CLN8: variants seen among roughly 807,000 people sequenced by gnomAD.
CLN8 encodes CLN8 transmembrane ER and ERGIC protein, also known as protein CLN8.
CLN8 carries 14 observed loss-of-function variants against 15.7 expected under a neutral mutation model. The ratio of observed to expected loss-of-function variants is 0.89; its 90% CI spans 0.59 to 1.39. The LOEUF is 1.39. CLN8 is among the 40% of genes most tolerant of loss of function. The probability of loss-of-function intolerance (pLI) is 0.00; values close to 1 mark genes in which losing one functional copy is unlikely to be tolerated. For synonymous variants in CLN8, 188 were observed against 151.0 expected (o/e 1.25, Z -1.80); for missense variants, 415 against 364.0 (o/e 1.14, Z -1.14).
rs1585137875 is a variant in CLN8, at chr8:1,771,296, G to C, written c.242G>C (p.Gly81Ala). The change falls in exon 2 of 3, where the codon GGC becomes GCC. Residue 81 changes from glycine to alanine, a missense_variant. Physicochemically the swap from Gly to Ala is moderately conservative, Grantham distance 60. Coordinates refer to ENST00000331222, the MANE Select transcript of CLN8 (RefSeq NM_018941.4). ...TTTGGTGTTCAGAGCACAGCCGCAGGCCTGTGGGCTCTGCTGGGGGACCCT... is the reference window on the plus strand; with the variant it reads ...TTTGGTGTTCAGAGCACAGCCGCAGCCCTGTGGGCTCTGCTGGGGGACCCT... ...AVFGVQSTAA[G>A]LWALLGDPVL... 6.2e-7 allele frequency: 1 copy of C among 1,614,168 alleles called. No individual in the cohort carries two copies.
chr8:1,783,887 G>C lies in CLN8; in HGVS notation c.*3320G>C, dbSNP rs1352557114. 1 of 152,272 alleles carries C rather than the reference G, an allele frequency of 6.6e-6. No individual in the cohort carries two copies. Among genetic ancestry groups the C allele is most frequent in the Non-Finnish European group, 1.5e-5 (1 of 68,072 alleles). 9.4% of individuals were successfully genotyped at this position (152,272 alleles called of 1,614,324 possible). On this transcript the variant is annotated 3_prime_UTR_variant, in exon 3 of 3. Coordinates refer to ENST00000331222, the MANE Select transcript of CLN8 (RefSeq NM_018941.4). Reference sequence around the variant, plus strand: ...CGTGCCTGCCTTGGGCGCAGCCTCCGGCGCCAGAGCTGGGCTCTTCAACAC... The same window carrying C: ...CGTGCCTGCCTTGGGCGCAGCCTCCCGCGCCAGAGCTGGGCTCTTCAACAC...
At chr8:1,754,592 T>C (rs1172438750), upstream of CLN8, among the ~76,000 whole-genome samples, 1 of 152,222 alleles carries the variant, frequency 6.6e-6, no homozygotes, top group African/African-American at 2.4e-5. Context: ...ATAGCAGTGA[T>C]ATACTTCTTC....
At chr8:1,778,761 G>A (rs1028771272) in intron 2 of CLN8, among the ~76,000 whole-genome samples, 2 of 152,184 alleles carry the variant, frequency 1.3e-5, no homozygotes, top group Admixed American at 6.5e-5. Flanking sequence ...GAGGCAGGCT[G>A]GGTTACTCCA....
chr8:1,765,308 C>T (rs1395023896), intron 1 of CLN8: 1 of 152,172 alleles, frequency 6.6e-6, no homozygotes, highest in Non-Finnish European at 1.5e-5. Flanking sequence ...CGGGGAGCAG[C>T]TTGTATACTG....
chr8:1,779,902 A>C (rs1801655291), intron 2 of CLN8: 1 of 967,292 alleles, frequency 1.0e-6, no homozygotes, highest in Non-Finnish European at 1.2e-6. Flanking sequence ...AGTATTGTTT[A>C]TTTACTTAAT....
At chr8:1,754,888 GA>G (rs1800631930), upstream of CLN8, among the ~76,000 whole-genome samples, 1 of 152,218 alleles carries the variant, frequency 6.6e-6, no homozygotes, top group Non-Finnish European at 1.5e-5. Flanking sequence ...TGCCTGCCCA[GA>G]AGCAGGCCGG....
intron 1 of CLN8, among the ~76,000 whole-genome samples, chr8:1,770,236 G>C (rs1338378985): frequency 6.6e-6 from 1 of 152,184 alleles, no homozygotes; most frequent in Non-Finnish European, 1.5e-5. Flanking sequence ...CCAACTTGGG[G>C]AAGGTAAAGA....
chr8:1,773,310 A>G (rs1743905593), intron 2 of CLN8, among the ~76,000 whole-genome samples: 1 of 152,190 alleles, frequency 6.6e-6, no homozygotes, highest in South Asian at 2.1e-4. Flanking sequence ...AGAGCCTCAC[A>G]GGGTGGCCAT....
At chr8:1,753,262 T>G (rs902980808), upstream of CLN8, among the ~76,000 whole-genome samples, 1 of 152,190 alleles carries the variant, frequency 6.6e-6, no homozygotes, top group Admixed American at 6.5e-5. Context: ...AGTTCACAGA[T>G]GGTGATTTTG....
At position 1,771,516 on chromosome 8, in the gene CLN8, A is replaced by G. The variant is rs1366343262; in HGVS notation, c.462A>G (p.Gln154=). The G allele has an allele frequency of 1.2e-6, 2 of 1,614,146 alleles. No individual in the cohort carries two copies. The highest frequency in any genetic ancestry group is 4.5e-5 in the East Asian group (2 of 44,866). Residue 154 remains glutamine (Q), a synonymous_variant, in exon 2 of 3, where the codon CAA becomes CAG. Transcript: ENST00000331222. ...TTCTTGGCTGCTTGGTCAATCTCCAAGCTGGCCACTATCTAGCTATGACCA... is the reference window on the plus strand; with the variant it reads ...TTCTTGGCTGCTTGGTCAATCTCCAGGCTGGCCACTATCTAGCTATGACCA... The part of the protein sequence containing the change: ...LGFLGCLVNL[Q]AGHYLAMTTL...
intron 1 of CLN8, among the ~76,000 whole-genome samples, chr8:1,756,458 T>G (rs1800671897): frequency 1.4e-5 from 2 of 145,914 alleles, no homozygotes; most frequent in South Asian, 4.4e-4. Context: ...CACTCCAGCT[T>G]GGGTGACAGA....
rs924297821 is a variant in CLN8 at position 1,782,498 on chromosome 8, A to G, written c.*1931A>G. On this transcript the variant is annotated 3_prime_UTR_variant, in exon 3 of 3. Coordinates refer to ENST00000331222, the MANE Select transcript of CLN8 (RefSeq NM_018941.4). The stretch of plus-strand genomic sequence containing the variant: ...TTTAACTATATTGACCAAGGTGTAT[A>G]GTAACCTATTTATCACATTTTACGA... 1 of 152,192 alleles carries G rather than the reference A, an allele frequency of 6.6e-6. No individual in the cohort carries two copies. 9.4% of individuals were successfully genotyped at this position (152,192 alleles called of 1,614,324 possible). A position where few individuals can be genotyped will look rare whatever the true frequency, so the allele number is the denominator to read the frequency against.
intron 1 of CLN8, chr8:1,758,149 G>A (rs929317558): frequency 6.6e-6 from 1 of 152,162 alleles, no homozygotes; most frequent in Admixed American, 6.5e-5. Context: ...CAGTTTTTAA[G>A]AAAGATACAC....
rs765097897 is a variant in CLN8 at position 1,771,262 on chromosome 8, C to T, written c.208C>T (p.Arg70Cys). The T allele has an allele frequency of 1.1e-5, 17 of 1,613,724 alleles. No individual in the cohort carries two copies. Among genetic ancestry groups the T allele is most frequent in the African/African-American group, 1.3e-5 (1 of 75,024 alleles). Residue 70 changes from arginine to cysteine, a missense_variant, in exon 2 of 3, where the codon CGT (arginine) becomes TGT (cysteine). Transcript: ENST00000331222. ...EKVFWDLAATRAVFGVQSTAA... is the reference protein window; with the variant it reads ...EKVFWDLAATCAVFGVQSTAA... ...GGTCTTCTGGGACCTGGCGGCCACG[C>T]GTGCAGTCTTTGGTGTTCAGAGCAC...
intron 1 of CLN8, among the ~76,000 whole-genome samples, chr8:1,769,217 A>G (rs1002072616): frequency 5.3e-5 from 8 of 152,240 alleles, no homozygotes; most frequent in African/African-American, 1.9e-4. Context: ...AGGAGTGATC[A>G]GTGCTCCCTT....
intron 1 of CLN8, among the ~76,000 whole-genome samples, chr8:1,768,774 A>G (rs1301285942): frequency 6.6e-6 from 1 of 152,180 alleles, no homozygotes. Context: ...TAGGGGTTCA[A>G]CGATGCCTTG....
upstream of CLN8, chr8:1,760,466 G>C (rs1800767187): frequency 6.6e-6 from 1 of 152,152 alleles, no homozygotes; most frequent in Admixed American, 6.6e-5. Flanking sequence ...CATGGATACT[G>C]GTTATACCTG....
At chr8:1,760,603 C>A (rs1324511029), upstream of CLN8, among the ~76,000 whole-genome samples, 1 of 152,170 alleles carries the variant, frequency 6.6e-6, no homozygotes, top group Non-Finnish European at 1.5e-5. Flanking sequence ...TTACTAGCCA[C>A]GTGACTGAGC....
chr8:1,754,871 C>T (rs1207180737), upstream of CLN8, among the ~76,000 whole-genome samples: 1 of 152,192 alleles, frequency 6.6e-6, no homozygotes, highest in African/African-American at 2.4e-5. Flanking sequence ...GTCAAACAGG[C>T]CATCTCTGCC....
Sources: allele counts gnomAD v4.1 joint callset (sites outside exome capture counted in the v4.1 genomes callset), GRCh38; gene constraint gnomAD v4.1.1; transcripts MANE v1.5; gene names NCBI Gene and HGNC (gene_info 2026-07-23, HGNC 2026-07-21).